The following TMEM117 variants were observed in gnomAD, a reference collection of about 807,000 sequenced individuals.
TMEM117 encodes the protein transmembrane protein 117.
TMEM117 carries 27 observed loss-of-function variants against 52.4 expected under a neutral mutation model. The ratio of observed to expected loss-of-function variants is 0.51; its 90% CI spans 0.38 to 0.71. The LOEUF (loss-of-function observed/expected upper bound fraction) is 0.71, where lower values mean the gene tolerates loss of function less well. TMEM117 is among the 30% of genes least tolerant of loss of function. The pLI, the probability that TMEM117 is intolerant of heterozygous loss-of-function variation, is 0.00. For missense variants in TMEM117, 556 were observed against 630.5 expected (o/e 0.88, Z 1.26); for synonymous variants, 215 against 206.3 (o/e 1.04, Z -0.36).
chr12:43,967,696 A>T (rs2137680813), intron 3 of TMEM117, among the ~76,000 whole-genome samples: 1 of 152,254 alleles, frequency 6.6e-6, no homozygotes, highest in African/African-American at 2.4e-5. Context: ...GCCTTTTGAG[A>T]GATCCTCAGC....
At chr12:44,143,159 C>A (rs1261046722) in intron 3 of TMEM117, among the ~76,000 whole-genome samples, 2 of 152,160 alleles carry the variant, frequency 1.3e-5, no homozygotes, top group African/African-American at 4.8e-5. Context: ...GCTCTTCTCT[C>A]CTCTTTGAAG....
At chr12:44,152,705 A>C (rs921150574) in intron 4 of TMEM117, among the ~76,000 whole-genome samples, 19 of 134,822 alleles carry the variant, frequency 1.4e-4, no homozygotes, top group African/African-American at 4.4e-4. Flanking sequence ...ATAAATTTTT[A>C]TATATACTAT....
chr12:43,862,903 G>A (rs1196423199), intron 2 of TMEM117, among the ~76,000 whole-genome samples: 1 of 152,162 alleles, frequency 6.6e-6, no homozygotes, highest in Non-Finnish European at 1.5e-5. Context: ...GGAGGCAGAG[G>A]TTGCAGTGAG....
chr12:44,046,586 G>A (rs999608662), intron 3 of TMEM117, among the ~76,000 whole-genome samples: 1 of 152,164 alleles, frequency 6.6e-6, no homozygotes, highest in African/African-American at 2.4e-5. Flanking sequence ...ACCACGACCT[G>A]CCAAGGTGCT....
At chr12:43,874,455 G>T (rs1943758597) in intron 2 of TMEM117, among the ~76,000 whole-genome samples, 1 of 151,978 alleles carries the variant, frequency 6.6e-6, no homozygotes, top group Non-Finnish European at 1.5e-5. Context: ...GCCAGGCCTG[G>T]TGGCAGGCAC....
chr12:43,890,721 G>A (rs1009552478), intron 2 of TMEM117, among the ~76,000 whole-genome samples: 7 of 151,950 alleles, frequency 4.6e-5, no homozygotes, highest in South Asian at 2.1e-4. Flanking sequence ...CAGTAGAGAC[G>A]GGGTTTCACC....
chr12:43,800,663 T>C, the TMEM117 span: 44 of 626,622 alleles, frequency 7.0e-5, no homozygotes, highest in Middle Eastern at 8.9e-4. Flanking sequence ...CACTATAATA[T>C]GCTAAAATAC....
the TMEM117 span, among the ~76,000 whole-genome samples, chr12:44,398,250 G>A: frequency 6.6e-6 from 1 of 152,132 alleles, no homozygotes; most frequent in Non-Finnish European, 1.5e-5. Flanking sequence ...GGGTTGAGGA[G>A]TAGCTGCCAA....
chr12:44,025,909 C>G (rs76379637), intron 3 of TMEM117, among the ~76,000 whole-genome samples: 3 of 151,994 alleles, frequency 2.0e-5, no homozygotes, highest in South Asian at 4.2e-4. Context: ...CCGCCCCCCC[C>G]ACCCATAGAG....
At chr12:43,827,977 C>T in the TMEM117 span, among the ~76,000 whole-genome samples, 1 of 152,136 alleles carries the variant, frequency 6.6e-6, no homozygotes, top group Non-Finnish European at 1.5e-5. Context: ...TCAAGGAATA[C>T]CAGGAACCAC....
chr12:43,806,325 C>T, the TMEM117 span: 3 of 1,316,448 alleles, frequency 2.3e-6, no homozygotes, highest in Non-Finnish European at 2.9e-6. Flanking sequence ...GTGGCTGCTC[C>T]TCCGCCGGCC....
chr12:43,856,894 T>C (rs1243141369), intron 2 of TMEM117, among the ~76,000 whole-genome samples: 1 of 152,210 alleles, frequency 6.6e-6, no homozygotes, highest in African/African-American at 2.4e-5. Context: ...TGATATTTGA[T>C]GTTTTAAAAA....
chr12:44,390,489 A>G (rs961342269), downstream of TMEM117, among the ~76,000 whole-genome samples: 3 of 152,184 alleles, frequency 2.0e-5, no homozygotes, highest in Non-Finnish European at 4.4e-5. Flanking sequence ...CATGACTTAT[A>G]AAAATATTAT....
At chr12:44,266,409 G>A in intron 5 of TMEM117, among the ~76,000 whole-genome samples, 1 of 152,040 alleles carries the variant, frequency 6.6e-6, no homozygotes, top group Non-Finnish European at 1.5e-5. Context: ...TACTGGCCAT[G>A]TTTATATCTT....
chr12:43,948,768 T>C (rs1194395870), intron 3 of TMEM117, among the ~76,000 whole-genome samples: 1 of 152,142 alleles, frequency 6.6e-6, no homozygotes, highest in Admixed American at 6.5e-5. Flanking sequence ...TTAGAACAGC[T>C]GGAGGAGATA....
At chr12:44,266,223 G>A (rs1950375803) in intron 5 of TMEM117, among the ~76,000 whole-genome samples, 1 of 152,068 alleles carries the variant, frequency 6.6e-6, no homozygotes, top group Admixed American at 6.6e-5. Context: ...TACCAAACTG[G>A]CTATAGCAGT....
At chr12:44,239,539 A>T (rs1212944163) in intron 5 of TMEM117, among the ~76,000 whole-genome samples, 1 of 152,136 alleles carries the variant, frequency 6.6e-6, no homozygotes, top group African/African-American at 2.4e-5. Flanking sequence ...GTTCTTAGCG[A>T]TCTCAATATT....
chr12:44,397,717 T>C, the TMEM117 span, among the ~76,000 whole-genome samples: 3 of 152,236 alleles, frequency 2.0e-5, no homozygotes, highest in African/African-American at 7.2e-5. Flanking sequence ...AGAGTTATAT[T>C]TTAATGGCAT....
At chr12:44,099,972 C>T (rs1947834747) in intron 3 of TMEM117, among the ~76,000 whole-genome samples, 1 of 151,294 alleles carries the variant, frequency 6.6e-6, no homozygotes, top group Non-Finnish European at 1.5e-5. Flanking sequence ...TGCAGAGGAA[C>T]AGTAATATCA....
Sources: allele counts gnomAD v4.1 joint callset (sites outside exome capture counted in the v4.1 genomes callset), GRCh38; gene constraint gnomAD v4.1.1; transcripts MANE v1.5; gene names NCBI Gene and HGNC (gene_info 2026-07-23, HGNC 2026-07-21).